Variants in PITPNM3 observed in about 807,000 individuals in gnomAD.
PITPNM3 encodes the protein membrane-associated phosphatidylinositol transfer protein 3.
Under a neutral mutation model 102.0 loss-of-function variants are expected in PITPNM3, and 26 were observed. The ratio of observed to expected loss-of-function variants is 0.25; its 90% confidence interval spans 0.19 to 0.35. PITPNM3 has a LOEUF of 0.35. PITPNM3 is among the 10% of genes least tolerant of loss of function. The pLI, the probability that PITPNM3 is intolerant of heterozygous loss-of-function variation, is 1.00. For missense variants in PITPNM3, 1,083 were observed against 1,346.1 expected (o/e 0.80, Z 3.06); for synonymous variants, 578 against 558.6 (o/e 1.03, Z -0.49).
intron 4 of PITPNM3, among the ~76,000 whole-genome samples, chr17:6,486,860 A>G (rs1458625981): frequency 6.6e-6 from 1 of 152,164 alleles, no homozygotes; most frequent in Middle Eastern, 3.2e-3. Context: ...AGTCCCCACA[A>G]TTACTCTCTG....
chr17:6,550,995 C>CG (rs1756709985), intron 1 of PITPNM3, among the ~76,000 whole-genome samples: 1 of 152,142 alleles, frequency 6.6e-6, no homozygotes, highest in African/African-American at 2.4e-5. Flanking sequence ...CAGAGGTCGG[C>CG]GTATTTGCAT....
chr17:6,484,697 A>G (rs1410278693), intron 4 of PITPNM3, among the ~76,000 whole-genome samples: 1 of 152,138 alleles, frequency 6.6e-6, no homozygotes, highest in African/African-American at 2.4e-5. Flanking sequence ...GTGATGGCAA[A>G]GCGTACGCAC....
intron 4 of PITPNM3, among the ~76,000 whole-genome samples, chr17:6,500,334 A>C (rs17202194): frequency 1.3e-5 from 2 of 152,134 alleles, no homozygotes; most frequent in African/African-American, 4.8e-5. Flanking sequence ...AATGCAAGCC[A>C]TTGCGATTCT....
intron 3 of PITPNM3, chr17:6,521,388 G>T (rs1908505754): frequency 6.6e-6 from 1 of 152,084 alleles, no homozygotes; most frequent in African/African-American, 2.4e-5. Flanking sequence ...CTCCAGCCTG[G>T]GTGACAAAGC....
At position 6,472,579 on chromosome 17, in the gene PITPNM3, C is replaced by CT; in HGVS notation, c.1429+77dup. 2.6e-6 allele frequency: 4 copies of CT among 1,528,774 alleles called. No homozygotes were observed. The highest frequency in any genetic ancestry group is 3.6e-6 in the Non-Finnish European group (4 of 1,125,044). 94.7% of individuals were successfully genotyped at this position (1,528,774 alleles called of 1,614,324 possible). On this transcript the variant is annotated intron_variant, in intron 11 of 19. Coordinates refer to ENST00000262483, the MANE Select transcript of PITPNM3 (RefSeq NM_031220.4). The surrounding 1 kb of genome is among the most constrained non-coding windows in gnomAD (Gnocchi z 4.1). ...CTGCTCAGGTGAGTCACCCTACTCA[C>CT]TGAGAGCTTGGAGGGGTTGAATGGG... is the stretch of plus-strand genomic sequence containing the variant.
chr17:6,462,288 C>A (rs989366195), intron 17 of PITPNM3, among the ~76,000 whole-genome samples: 2 of 152,176 alleles, frequency 1.3e-5, no homozygotes, highest in African/African-American at 2.4e-5. Context: ...AACCCCAGCA[C>A]TCCTCTGTCT....
chr17:6,501,417 C>T (rs1183519822), intron 4 of PITPNM3, among the ~76,000 whole-genome samples: 3 of 152,154 alleles, frequency 2.0e-5, no homozygotes, highest in Non-Finnish European at 2.9e-5. Flanking sequence ...GAACCAGGCC[C>T]AAACCCATAT....
At chr17:6,533,090 G>A (rs1909229423) in intron 2 of PITPNM3, among the ~76,000 whole-genome samples, 1 of 151,964 alleles carries the variant, frequency 6.6e-6, no homozygotes, top group Non-Finnish European at 1.5e-5. Flanking sequence ...AGCCTCCCGA[G>A]TAGCTGGGAT....
intron 3 of PITPNM3, among the ~76,000 whole-genome samples, chr17:6,509,096 G>A (rs903254708): frequency 2.6e-5 from 4 of 152,180 alleles, no homozygotes; most frequent in African/African-American, 9.7e-5. Context: ...AACTGGGAAG[G>A]CAGAGTTTTG....
At chr17:6,538,146 C>T in intron 1 of PITPNM3, 64 bp from the exon 2 acceptor site, 1 of 1,239,280 alleles carries the variant, frequency 8.1e-7, no homozygotes, top group Non-Finnish European at 1.2e-6. Context: ...GGGAGGTGAC[C>T]CAAGACCCCC....
intron 8 of PITPNM3, 143 bp downstream of exon 8, chr17:6,477,832 C>T: frequency 7.0e-7 from 1 of 1,426,412 alleles, no homozygotes; most frequent in Non-Finnish European, 9.7e-7. Flanking sequence ...AGGCATGAGC[C>T]ACTGCGCCCA....
intron 4 of PITPNM3, among the ~76,000 whole-genome samples, chr17:6,484,996 T>TC (rs964158801): frequency 2.0e-5 from 3 of 151,930 alleles, no homozygotes; most frequent in African/African-American, 7.3e-5. Context: ...TGCCATTTTC[T>TC]CCCCCGGTTC....
Position 6,537,312 on chromosome 17 carries a change from G to A in PITPNM3, c.118+675C>T, listed in dbSNP as rs576248132. On this transcript the variant is annotated intron_variant, in intron 2 of 19. Coordinates refer to ENST00000262483, the MANE Select transcript of PITPNM3 (RefSeq NM_031220.4). This position sits in a 1 kb window ranked among gnomAD's most constrained non-coding sequence, Gnocchi z 4.4. ...ATCGCTCTGTCTGCAGTGCCATCTC[G>A]GCTCACTGCAACCTCTGCCTCCCGG... Among the ~76,000 whole-genome samples, 1 of 139,814 alleles carries A rather than the reference G, an allele frequency of 7.2e-6. No individual in the cohort carries two copies. Among genetic ancestry groups the A allele is most frequent in the African/African-American group, 2.8e-5 (1 of 36,330 alleles). 91.7% of individuals were successfully genotyped at this position (139,814 alleles called of 152,430 possible). A position where few individuals can be genotyped will look rare whatever the true frequency, so the allele number is the denominator to read the frequency against.
intron 4 of PITPNM3, among the ~76,000 whole-genome samples, chr17:6,489,527 C>T (rs1443182850): frequency 9.4e-6 from 1 of 105,890 alleles, no homozygotes; most frequent in Non-Finnish European, 2.0e-5. Flanking sequence ...CAGGGCTCTT[C>T]ATCATCCTGA....
Position 6,451,892 on chromosome 17 carries a change from C to CCCCCGG in PITPNM3, c.*3445_*3446insCCGGGG, listed in dbSNP as rs55984944. 1.1e-5 allele frequency: 1 copy of CCCCCGG among 94,446 alleles called. No individual in the cohort carries two copies. Among genetic ancestry groups the CCCCCGG allele is most frequent in the Non-Finnish European group, 2.2e-5 (1 of 46,070 alleles). 5.9% of individuals were successfully genotyped at this position (94,446 alleles called of 1,614,324 possible). A position where few individuals can be genotyped will look rare whatever the true frequency, so the allele number is the denominator to read the frequency against. The stretch of plus-strand genomic sequence containing the variant: ...ACCCAAACCCCCCCCCCCCGCCCGC[C>CCCCCGG]GATGGGATTCGGTGGGAAAGTTGGT... On this transcript the variant is annotated 3_prime_UTR_variant, in exon 20 of 20. Coordinates refer to ENST00000262483, the MANE Select transcript of PITPNM3 (RefSeq NM_031220.4).
At chr17:6,531,738 C>CATTCCCTAA (rs1909158163) in intron 2 of PITPNM3, among the ~76,000 whole-genome samples, 1 of 152,198 alleles carries the variant, frequency 6.6e-6, no homozygotes, top group Non-Finnish European at 1.5e-5. Flanking sequence ...CTTGCTGGGG[C>CATTCCCTAA]TGTGAACCCA....
Position 6,458,639 on chromosome 17 carries a change from C to T in PITPNM3, c.2491-917G>A, listed in dbSNP as rs1904321786. Among the ~76,000 whole-genome samples, 1 of 152,204 alleles carries T rather than the reference C, an allele frequency of 6.6e-6. No homozygotes were observed. The highest frequency in any genetic ancestry group is 1.5e-5 in the Non-Finnish European group (1 of 68,028). ...CCCCTCCCCACCACTTCTCCGCCAG[C>T]CCCCACCTGGCTGCTCTCAGCCTTA... On this transcript the variant is annotated intron_variant, in intron 18 of 19. Transcript: ENST00000262483. This position sits in a 1 kb window ranked among gnomAD's most constrained non-coding sequence, Gnocchi z 5.1.
intron 3 of PITPNM3, among the ~76,000 whole-genome samples, chr17:6,515,397 CAAAAA>C (rs61420968): frequency 1.2e-4 from 10 of 82,220 alleles, no homozygotes; most frequent in Admixed American, 1.1e-3. Flanking sequence ...GACTCCATCT[CAAAAA>C]AAAAAAAAAA....
At chr17:6,467,951 A>C (rs1904868142) in intron 14 of PITPNM3, among the ~76,000 whole-genome samples, 1 of 152,186 alleles carries the variant, frequency 6.6e-6, no homozygotes, top group East Asian at 1.9e-4. Flanking sequence ...GGCATATAGC[A>C]ATTGCTCCAT....
Sources: gnomAD v4.1 joint callset for allele counts (sites outside exome capture counted in the v4.1 genomes callset) on GRCh38, gnomAD v4.1.1 for gene constraint, Gnocchi (gnomAD v3.1) non-coding constraint, MANE v1.5 for transcripts, NCBI Gene and HGNC (gene_info 2026-07-23, HGNC 2026-07-21) for gene names.